Variants in SOS1 observed in about 807,000 individuals in gnomAD.
SOS1 encodes son of sevenless homolog 1.
SOS1 carries 25 observed loss-of-function variants against 157.6 expected under a neutral mutation model. That is an observed-to-expected ratio of 0.16 (90% CI 0.12 to 0.22). The LOEUF (loss-of-function observed/expected upper bound fraction) is 0.22. Ranked by LOEUF, SOS1 falls within the 10% of genes least tolerant of loss-of-function variation. The probability of loss-of-function intolerance (pLI) is 1.00; values close to 1 mark genes in which losing one functional copy is unlikely to be tolerated. For missense variants in SOS1, 1,237 were observed against 1,599.1 expected, an observed-to-expected ratio of 0.77 and a Z score of 3.86; for synonymous variants, 528 against 534.0, an observed-to-expected ratio of 0.99 and a Z score of 0.16.
At chr2:39,099,802 G>A (rs895835946) in intron 1 of SOS1, among the ~76,000 whole-genome samples, 7 of 152,078 alleles carry the variant, frequency 4.6e-5, no homozygotes, top group Non-Finnish European at 1.0e-4. Context: ...GAAGTGGCAC[G>A]ATCTCGACTC....
At chr2:38,987,003 G>T (rs1668578987) in intron 22 of SOS1, among the ~76,000 whole-genome samples, 1 of 148,678 alleles carries the variant, frequency 6.7e-6, no homozygotes, top group African/African-American at 2.6e-5. Context: ...AGAAATAATA[G>T]CTATTTTGAG....
chr2:38,985,768 C>A lies in SOS1; in HGVS notation c.*56G>T. ...CTCAGTGCTGGCACATTCAGTGCATCCATTGCCAGCAATGGATTTGGGGCT... is the reference window on the plus strand; with the variant it reads ...CTCAGTGCTGGCACATTCAGTGCATACATTGCCAGCAATGGATTTGGGGCT... On this transcript the variant is annotated 3_prime_UTR_variant, in exon 23 of 23. Transcript: ENST00000402219. 1.9e-6 allele frequency: 3 copies of A among 1,577,570 alleles called. No homozygotes were observed. The highest frequency in any genetic ancestry group is 2.6e-6 in the Non-Finnish European group (3 of 1,154,450).
intron 22 of SOS1, 41 bp from the exon 23 acceptor site, chr2:38,986,356 T>G (rs753465908): frequency 6.5e-7 from 1 of 1,533,582 alleles, no homozygotes; most frequent in Non-Finnish European, 8.9e-7. Context: ...TATTAATAAA[T>G]TTATGAAGTA....
Position 38,995,113 on chromosome 2 carries a change from T to C in SOS1, c.3346+10A>G, listed in dbSNP as rs1668848326. 1.9e-6 allele frequency: 3 copies of C among 1,612,898 alleles called. No individual in the cohort carries two copies. The highest frequency in any genetic ancestry group is 1.1e-5 in the South Asian group (1 of 90,934). ...AAATACCTTAATGCACTTAGAATTT[T>C]TGCACCTACTTGAGTGAAAAGGGCT... On this transcript the variant is annotated intron_variant, in intron 20 of 22. Transcript: ENST00000402219.
At chr2:39,036,487 A>C (rs992732798) in intron 6 of SOS1, among the ~76,000 whole-genome samples, 114 of 152,168 alleles carry the variant, frequency 7.5e-4, no homozygotes, top group African/African-American at 2.7e-3. Context: ...AGTATCTGGG[A>C]CCACAGGCGC....
chr2:39,078,173 CCTCAAT>C (rs1177685141), intron 1 of SOS1, among the ~76,000 whole-genome samples: 19 of 152,146 alleles, frequency 1.2e-4, no homozygotes, highest in African/African-American at 1.9e-4. Flanking sequence ...AGGTGCTCAG[CCTCAAT>C]CTCAATCTCA....
intron 9 of SOS1, 130 bp from the exon 10 acceptor site, chr2:39,023,355 G>C (rs1669857681): frequency 1.6e-6 from 1 of 620,180 alleles, no homozygotes; most frequent in African/African-American, 1.9e-5. Context: ...TCCCCAAATA[G>C]ATTAGAATTA....
intron 1 of SOS1, among the ~76,000 whole-genome samples, chr2:39,101,434 T>A (rs530980549): frequency 6.6e-6 from 1 of 152,168 alleles, no homozygotes; most frequent in South Asian, 2.1e-4. Context: ...AGTTTCATTA[T>A]TATGCCTAGA....
chr2:39,045,987 C>G (rs948284080), intron 6 of SOS1, among the ~76,000 whole-genome samples: 3 of 152,222 alleles, frequency 2.0e-5, no homozygotes, highest in Non-Finnish European at 4.4e-5. Flanking sequence ...GCTGGAATTA[C>G]AGGCATGAGC....
At chr2:39,008,325 T>G (rs1669345394) in intron 15 of SOS1, among the ~76,000 whole-genome samples, 2 of 152,162 alleles carry the variant, frequency 1.3e-5, no homozygotes, top group Admixed American at 1.3e-4. Flanking sequence ...CTCTACCTGC[T>G]CAACCAAGCA....
At chr2:39,070,545 C>A (rs1397848609) in intron 1 of SOS1, among the ~76,000 whole-genome samples, 10 of 152,176 alleles carry the variant, frequency 6.6e-5, no homozygotes, top group Non-Finnish European at 1.3e-4. Flanking sequence ...GCATGGATAA[C>A]CCCAAATCTA....
At chr2:39,101,132 A>G (rs555247373) in intron 1 of SOS1, among the ~76,000 whole-genome samples, 5 of 152,326 alleles carry the variant, frequency 3.3e-5, no homozygotes, top group Non-Finnish European at 7.4e-5. Context: ...GAGGTTTCCA[A>G]TCATGGCAGA....
intron 1 of SOS1, among the ~76,000 whole-genome samples, chr2:39,112,176 A>G (rs1274659522): frequency 2.0e-5 from 3 of 151,928 alleles, no homozygotes; most frequent in Middle Eastern, 3.2e-3. Flanking sequence ...AAATATCCCT[A>G]TCTTCTTAAT....
chr2:39,087,161 G>C (rs972433864), intron 1 of SOS1, among the ~76,000 whole-genome samples: 233 of 152,242 alleles, frequency 1.5e-3, no homozygotes, highest in African/African-American at 5.4e-3. Flanking sequence ...TGGGTATAGA[G>C]GCCGCTTCAA....
chr2:39,040,035 G>A (rs1223009109), intron 6 of SOS1, among the ~76,000 whole-genome samples: 1 of 151,670 alleles, frequency 6.6e-6, no homozygotes, highest in Non-Finnish European at 1.5e-5. Flanking sequence ...TTTTTGAGAT[G>A]GAGTCTTGCT....
At chr2:39,081,204 T>C (rs750930521) in intron 1 of SOS1, among the ~76,000 whole-genome samples, 3 of 151,940 alleles carry the variant, frequency 2.0e-5, no homozygotes, top group African/African-American at 7.3e-5. Flanking sequence ...TAATGCAAGA[T>C]AGTGTTTATT....
At chr2:39,098,897 A>T (rs945852591) in intron 1 of SOS1, among the ~76,000 whole-genome samples, 2 of 152,196 alleles carry the variant, frequency 1.3e-5, no homozygotes, top group African/African-American at 4.8e-5. Context: ...TCAAAAAAAA[A>T]ATATTCTTAC....
chr2:39,053,243 A>C (rs536039828), intron 5 of SOS1, among the ~76,000 whole-genome samples: 4 of 152,356 alleles, frequency 2.6e-5, no homozygotes, highest in Admixed American at 1.3e-4. Flanking sequence ...ATATTCCCAC[A>C]AGTAGTTGCT....
At chr2:38,986,753 T>A (rs1340247264) in intron 22 of SOS1, among the ~76,000 whole-genome samples, 1 of 152,186 alleles carries the variant, frequency 6.6e-6, no homozygotes, top group Non-Finnish European at 1.5e-5. Flanking sequence ...TACTTAAATT[T>A]TTTTCCTCAA....
Sources: allele counts gnomAD v4.1 joint callset (sites outside exome capture counted in the v4.1 genomes callset), GRCh38; gene constraint gnomAD v4.1.1; transcripts MANE v1.5; gene names NCBI Gene and HGNC (gene_info 2026-07-23, HGNC 2026-07-21).